APOOL: variants seen among roughly 807,000 people sequenced by gnomAD.
APOOL encodes MICOS complex subunit MIC27.
In APOOL, 12 loss-of-function variants were observed where a neutral mutation model predicts 23.1. The observed-to-expected ratio is 0.52, with a 90% confidence interval of 0.33 to 0.84. APOOL has a LOEUF of 0.84. Ranked by LOEUF, APOOL falls within the 40% of genes least tolerant of loss-of-function variation. The pLI is 0.02. For synonymous variants in APOOL, 77 were observed against 69.9 expected (o/e 1.10, Z -0.51); for missense variants, 212 against 199.6 (o/e 1.06, Z -0.37).
At chrX:85,045,406 T>C (rs1922542141) in intron 1 of APOOL, among the ~76,000 whole-genome samples, 1 of 112,004 alleles carries the variant, frequency 8.9e-6, no homozygotes, top group Non-Finnish European at 1.9e-5. Flanking sequence ...TCAGAAAATA[T>C]TAAAAACAGT....
chrX:85,058,465 A>G (rs1216532408), intron 5 of APOOL, among the ~76,000 whole-genome samples: 2 of 111,691 alleles, frequency 1.8e-5, no homozygotes, highest in Non-Finnish European at 3.8e-5. Context: ...TTCTTTATCC[A>G]GTCTATCATT....
At position 85,051,715 on chromosome X, in the gene APOOL, A is replaced by G. The variant is rs562580825; in HGVS notation, c.240+207A>G. Among the ~76,000 whole-genome samples the G allele has an allele frequency of 3.6e-5, 4 of 112,125 alleles. No homozygotes were observed. The South Asian group carries it at 1.5e-3, about 42-fold the overall frequency. ...CATGTGGCATTGACAGAGGTGGCCC[A>G]GTGGGGTTCATCTGGCAAATGAGCT... On this transcript the variant is annotated intron_variant, in intron 3 of 8. Coordinates refer to ENST00000373173, the MANE Select transcript of APOOL (RefSeq NM_198450.6).
intron 2 of APOOL, among the ~76,000 whole-genome samples, chrX:85,047,217 TA>T (rs1407283143): frequency 8.9e-6 from 1 of 112,067 alleles, no homozygotes; most frequent in Non-Finnish European, 1.9e-5. Context: ...GCTTCCAGGA[TA>T]AACATTTTAA....
chrX:85,044,292 T>A (rs1200709578), intron 1 of APOOL, among the ~76,000 whole-genome samples: 1 of 109,673 alleles, frequency 9.1e-6, no homozygotes, highest in Non-Finnish European at 1.9e-5. Flanking sequence ...ATATGTATTT[T>A]TTTGTTGAGA....
Position 85,003,904 on chromosome X carries a change from G to C in APOOL, c.-9G>C, listed in dbSNP as rs749001198. ...CCGTCTGAAAACCTTGGCCGAAAGGGTTGTAGACATGGCGGCCATCAGGGT... is the reference window on the plus strand; with the variant it reads ...CCGTCTGAAAACCTTGGCCGAAAGGCTTGTAGACATGGCGGCCATCAGGGT... On this transcript the variant is annotated 5_prime_UTR_variant, in exon 1 of 9. Coordinates refer to ENST00000373173, the MANE Select transcript of APOOL (RefSeq NM_198450.6). The C allele has an allele frequency of 8.3e-7, 1 of 1,209,960 alleles. No individual in the cohort carries two copies. Among genetic ancestry groups the C allele is most frequent in the African/African-American group, 1.7e-5 (1 of 57,191 alleles).
At chrX:85,061,965 T>C (rs760280816) in intron 5 of APOOL, among the ~76,000 whole-genome samples, 1 of 111,634 alleles carries the variant, frequency 9.0e-6, no homozygotes, top group South Asian at 3.8e-4. Flanking sequence ...CTTTTAATTG[T>C]GATGTTAAGA....
chrX:85,060,478 C>A (rs1389487315), intron 5 of APOOL, among the ~76,000 whole-genome samples: 1 of 108,494 alleles, frequency 9.2e-6, no homozygotes, highest in Non-Finnish European at 1.9e-5. Context: ...GCAGTATGGC[C>A]ATTTTCATGA....
At chrX:85,013,009 T>G (rs146420646) in intron 1 of APOOL, among the ~76,000 whole-genome samples, 129 of 111,846 alleles carry the variant, frequency 1.2e-3, no homozygotes, top group African/African-American at 4.1e-3. Flanking sequence ...TAAATTACTG[T>G]TTCGATTTCG....
At chrX:85,020,099 A>G (rs775745694) in intron 1 of APOOL, among the ~76,000 whole-genome samples, 4 of 111,872 alleles carry the variant, frequency 3.6e-5, no homozygotes, top group Non-Finnish European at 7.5e-5. Flanking sequence ...GAACAGAGGC[A>G]TTGTCAGCAG....
chrX:85,063,274 G>T (rs890568463), intron 5 of APOOL, among the ~76,000 whole-genome samples: 2 of 111,355 alleles, frequency 1.8e-5, no homozygotes, highest in Non-Finnish European at 3.8e-5. Flanking sequence ...GAGTTGAGGG[G>T]GTTTTCTAGA....
Position 85,088,033 on chromosome X carries a change from C to T in APOOL, c.*355C>T, listed in dbSNP as rs1000918512. 1 of 83,840 alleles carries T rather than the reference C, an allele frequency of 1.2e-5. No homozygotes were observed. Among genetic ancestry groups the T allele is most frequent in the Non-Finnish European group, 2.4e-5 (1 of 41,901 alleles). 6.9% of individuals were successfully genotyped at this position (83,840 alleles called of 1,213,427 possible). A position where few individuals can be genotyped will look rare whatever the true frequency, so the allele number is the denominator to read the frequency against. On this transcript the variant is annotated 3_prime_UTR_variant, in exon 9 of 9. Transcript: ENST00000373173. ...ATGTATAAATACATACATATTTATA[C>T]ATGTATAAATACGTATTTATACATA...
intron 5 of APOOL, among the ~76,000 whole-genome samples, chrX:85,063,794 G>C (rs1175977808): frequency 9.0e-6 from 1 of 111,020 alleles, no homozygotes; most frequent in Non-Finnish European, 1.9e-5. Context: ...TTTTTGCATC[G>C]ATGTTCATCA....
At chrX:85,014,226 G>A (rs1751325142) in intron 1 of APOOL, among the ~76,000 whole-genome samples, 1 of 111,214 alleles carries the variant, frequency 9.0e-6, no homozygotes, top group Admixed American at 9.6e-5. Context: ...TATGTGTTAA[G>A]TGAGTCTCAG....
At chrX:85,063,528 G>A (rs998687726) in intron 5 of APOOL, among the ~76,000 whole-genome samples, 2 of 111,341 alleles carry the variant, frequency 1.8e-5, no homozygotes, top group African/African-American at 6.5e-5. Context: ...ATTATTTTGA[G>A]ACATGTTCCT....
intron 1 of APOOL, among the ~76,000 whole-genome samples, chrX:85,008,451 C>T (rs1272472460): frequency 9.0e-6 from 1 of 111,175 alleles, no homozygotes; most frequent in Non-Finnish European, 1.9e-5. Flanking sequence ...ACTTACTTCA[C>T]TCAGCATAAT....
At chrX:85,022,089 T>G (rs1921685792) in intron 1 of APOOL, among the ~76,000 whole-genome samples, 1 of 111,249 alleles carries the variant, frequency 9.0e-6, no homozygotes, top group African/African-American at 3.3e-5. Flanking sequence ...GGAGATTGAG[T>G]CACTTGTAAA....
intron 1 of APOOL, among the ~76,000 whole-genome samples, chrX:85,030,299 A>G (rs921224536): frequency 1.8e-5 from 2 of 110,968 alleles, no homozygotes; most frequent in Non-Finnish European, 3.8e-5. Flanking sequence ...AGTAGGAGCT[A>G]AGCTATGAGT....
Position 85,074,290 on chromosome X carries a change from A to C in APOOL, c.617A>C (p.Glu206Ala). 4 of 1,211,336 alleles carry C rather than the reference A, an allele frequency of 3.3e-6. No individual in the cohort carries two copies. The highest frequency in any genetic ancestry group is 4.5e-6 in the Non-Finnish European group (4 of 895,161). ...KEKTKLGSSS[E>A]IEVPAKTTHV... ...GGTAAACAGCTAGGATCCTCTTCCG[A>C]AATAGAAGTACCTGCAAAAACAACT... is the stretch of plus-strand genomic sequence containing the variant. Residue 206 changes from glutamate (E) to alanine (A), a missense_variant, in exon 8 of 9, where the codon GAA becomes GCA. Coordinates refer to ENST00000373173, the MANE Select transcript of APOOL (RefSeq NM_198450.6).
rs1924375231 is a variant in APOOL, at chrX:85,088,011, TATAA to T, written c.*337_*340del. 9.5e-6 allele frequency: 1 copy of T among 105,772 alleles called. No homozygotes were observed. The highest frequency in any genetic ancestry group is 1.9e-5 in the Non-Finnish European group (1 of 52,871). The allele number at this position is 105,772 out of a possible 1,213,427, so 8.7% of individuals were successfully genotyped here. A position where few individuals can be genotyped will look rare whatever the true frequency, so the allele number is the denominator to read the frequency against. On this transcript the variant is annotated 3_prime_UTR_variant, in exon 9 of 9. Coordinates refer to ENST00000373173, the MANE Select transcript of APOOL (RefSeq NM_198450.6). ...AAAAATACATATATATATATGTATG[TATAA>T]ATACATACATATTTATACATGTATA...
Sources: gnomAD v4.1 joint callset for allele counts (sites outside exome capture counted in the v4.1 genomes callset) on GRCh38, gnomAD v4.1.1 for gene constraint, MANE v1.5 for transcripts, NCBI Gene and HGNC (gene_info 2026-07-23, HGNC 2026-07-21) for gene names.